Variants in ROBO1 observed in about 807,000 individuals in gnomAD.
ROBO1 encodes the protein roundabout guidance receptor 1.
ROBO1 carries 149 observed loss-of-function variants against 195.9 expected under a neutral mutation model. That is an observed-to-expected ratio of 0.76 (90% CI 0.67 to 0.87). The LOEUF is 0.87. Among genes scored for constraint, ROBO1 ranks in the 40% least tolerant of loss-of-function variants. The pLI is 0.00. For synonymous variants in ROBO1, 816 were observed against 733.2 expected (o/e 1.11, Z -1.82); for missense variants, 1,933 against 2,068.3 (o/e 0.93, Z 1.27).
At chr3:78,601,325 C>A (rs950472755) in intron 29 of ROBO1, among the ~76,000 whole-genome samples, 15 of 152,170 alleles carry the variant, frequency 9.9e-5, no homozygotes, top group Admixed American at 6.5e-4. Context: ...TGCACAAAAA[C>A]ATCTCCACCT....
intron 2 of ROBO1, among the ~76,000 whole-genome samples, chr3:79,502,915 T>C: frequency 6.6e-6 from 1 of 152,062 alleles, no homozygotes; most frequent in Non-Finnish European, 1.5e-5. Context: ...CAGCACCCTG[T>C]GAAAACGGAC....
At chr3:79,083,075 T>C (rs1323800524) in intron 3 of ROBO1, among the ~76,000 whole-genome samples, 1 of 152,112 alleles carries the variant, frequency 6.6e-6, no homozygotes, top group Non-Finnish European at 1.5e-5. Context: ...TGCATGCCTG[T>C]AGTCCCAGCT....
At chr3:79,469,411 C>T (rs950647504) in intron 2 of ROBO1, among the ~76,000 whole-genome samples, 3 of 152,054 alleles carry the variant, frequency 2.0e-5, no homozygotes, top group African/African-American at 7.2e-5. Context: ...AAGCAAAACA[C>T]CAAACAAAAA....
intron 2 of ROBO1, among the ~76,000 whole-genome samples, chr3:79,265,104 T>C (rs780005102): frequency 6.6e-6 from 1 of 151,826 alleles, no homozygotes; most frequent in Non-Finnish European, 1.5e-5. Flanking sequence ...CAAAATCACA[T>C]TAGGTTAAAA....
chr3:78,814,794 T>C (rs1383072146), intron 4 of ROBO1, among the ~76,000 whole-genome samples: 1 of 152,068 alleles, frequency 6.6e-6, no homozygotes, highest in Non-Finnish European at 1.5e-5. Context: ...TTATAGTGCT[T>C]CACTTTGCAG....
At chr3:79,612,854 A>G (rs1332337961) in intron 1 of ROBO1, among the ~76,000 whole-genome samples, 2 of 58 alleles carry the variant, frequency 0.034, no homozygotes, top group Non-Finnish European at 0.045. Flanking sequence ...GATCACTTCA[A>G]TCATTGCAAA....
chr3:78,631,202 TGGA>T lies in ROBO1; in HGVS notation c.3582_3584del (p.Pro1195del). On this transcript the variant is annotated inframe_deletion, in exon 25 of 31. Transcript: ENST00000464233. ...TGTTGTACTCTTCGCTATTGCTGTGTGGAGGAGGATGTGCTGGGGGAGGAGGAA... is the reference window on the plus strand; with the variant it reads ...TGTTGTACTCTTCGCTATTGCTGTGTGGAGGATGTGCTGGGGGAGGAGGAA... 1.2e-6 allele frequency: 2 copies of T among 1,613,022 alleles called. No individual in the cohort carries two copies. The highest frequency in any genetic ancestry group is 1.7e-6 in the Non-Finnish European group (2 of 1,179,464).
chr3:79,660,682 A>G (rs1946302810), intron 1 of ROBO1, among the ~76,000 whole-genome samples: 1 of 152,134 alleles, frequency 6.6e-6, no homozygotes, highest in Non-Finnish European at 1.5e-5. Flanking sequence ...CCATCAGAAT[A>G]TACTATAACA....
At chr3:79,081,243 T>G (rs2108462418) in intron 3 of ROBO1, among the ~76,000 whole-genome samples, 1 of 152,100 alleles carries the variant, frequency 6.6e-6, no homozygotes, top group Middle Eastern at 3.4e-3. Flanking sequence ...TGATGCAAAC[T>G]TCTCCAGTCC....
chr3:79,229,588 A>G (rs886943307), intron 2 of ROBO1, among the ~76,000 whole-genome samples: 4 of 152,030 alleles, frequency 2.6e-5, no homozygotes, highest in African/African-American at 9.7e-5. Flanking sequence ...CTTGAGCCAC[A>G]GTGCCCAGCT....
At chr3:79,599,031 G>A (rs1944263062) in intron 1 of ROBO1, among the ~76,000 whole-genome samples, 1 of 152,032 alleles carries the variant, frequency 6.6e-6, no homozygotes, top group Admixed American at 6.6e-5. Flanking sequence ...CTCCACCAGA[G>A]CAGGTGCTGG....
rs191948193 is a variant in ROBO1 at position 79,413,124 on chromosome 3, A to T, written c.88+176700T>A. ...TTTCTTTTAACAAGCACATAAAGTT[A>T]TTTTCAGACATTACTAAACACATAA... On this transcript the variant is annotated intron_variant, in intron 2 of 30. Coordinates refer to ENST00000464233, the MANE Select transcript of ROBO1 (RefSeq NM_002941.4). 3.2e-3 allele frequency among the ~76,000 whole-genome samples: 484 copies of T among 151,856 alleles called. 4 individuals are homozygous for T. Among genetic ancestry groups the T allele is most frequent in the African/African-American group, 0.011 (448 of 41,462 alleles).
chr3:79,141,312 C>T (rs918173511), intron 2 of ROBO1, among the ~76,000 whole-genome samples: 1 of 152,168 alleles, frequency 6.6e-6, no homozygotes, highest in East Asian at 1.9e-4. Flanking sequence ...ATTCACTCAA[C>T]TGCTAAAGGG....
At chr3:79,436,589 T>A (rs1256315662) in intron 2 of ROBO1, among the ~76,000 whole-genome samples, 1 of 152,132 alleles carries the variant, frequency 6.6e-6, no homozygotes. Context: ...GCAGCATATT[T>A]CTTTCTCACT....
chr3:78,940,732 T>C (rs910887965), intron 3 of ROBO1, among the ~76,000 whole-genome samples: 2 of 152,248 alleles, frequency 1.3e-5, no homozygotes, highest in African/African-American at 4.8e-5. Context: ...AATTACAATA[T>C]ATAAATCTAT....
At chr3:78,663,429 C>T (rs1406565042) in intron 14 of ROBO1, among the ~76,000 whole-genome samples, 2 of 152,090 alleles carry the variant, frequency 1.3e-5, no homozygotes, top group Non-Finnish European at 2.9e-5. Context: ...ATTATCACAG[C>T]CTCTACGGAG....
chr3:79,066,149 A>G (rs946839442), intron 3 of ROBO1, among the ~76,000 whole-genome samples: 1 of 151,912 alleles, frequency 6.6e-6, no homozygotes, highest in Non-Finnish European at 1.5e-5. Flanking sequence ...GCGGAGCCCT[A>G]AAAGACGTTA....
At chr3:79,749,564 T>C (rs1576316112) in intron 1 of ROBO1, among the ~76,000 whole-genome samples, 1 of 152,044 alleles carries the variant, frequency 6.6e-6, no homozygotes, top group South Asian at 2.1e-4. Context: ...TAAAAAGTGG[T>C]TTTGTGTTCC....
At chr3:79,477,099 C>T (rs545115015) in intron 2 of ROBO1, among the ~76,000 whole-genome samples, 5 of 151,878 alleles carry the variant, frequency 3.3e-5, no homozygotes, top group East Asian at 1.9e-4. Flanking sequence ...AAAAAAAATC[C>T]GTGATTTTGG....
Sources: allele counts gnomAD v4.1 joint callset (sites outside exome capture counted in the v4.1 genomes callset), GRCh38; gene constraint gnomAD v4.1.1; transcripts MANE v1.5; gene names NCBI Gene and HGNC (gene_info 2026-07-23, HGNC 2026-07-21).